Variants in ARL5C observed in about 807,000 individuals in gnomAD.
ARL5C encodes the protein putative ADP-ribosylation factor-like protein 5C.
ARL5C carries 21 observed loss-of-function variants against 20.8 expected under a neutral mutation model. The ratio of observed to expected loss-of-function variants is 1.01; its 90% CI spans 0.72 to 1.46. The LOEUF (loss-of-function observed/expected upper bound fraction) is 1.46. Among genes scored for constraint, ARL5C ranks in the 40% most tolerant of loss-of-function variants. The pLI is 0.00. For missense variants in ARL5C, 199 were observed against 225.1 expected (o/e 0.88, Z 0.74); for synonymous variants, 71 against 81.6 (o/e 0.87, Z 0.70).
chr17:39,162,930 T>G (rs2045442028), intron 2 of ARL5C, 72 bp from the exon 3 acceptor site: 4 of 1,504,114 alleles, frequency 2.7e-6, no homozygotes, highest in Middle Eastern at 2.4e-4. Context: ...AATGCTCTAC[T>G]CCCAAAGCAG....
intron 3 of ARL5C, among the ~76,000 whole-genome samples, chr17:39,161,665 CA>C (rs2045435994): frequency 6.6e-6 from 1 of 152,048 alleles, no homozygotes; most frequent in Admixed American, 6.6e-5. Context: ...AGGCGCGTGC[CA>C]CCACACCCGG....
intron 1 of ARL5C, 27 bp from the exon 2 acceptor site, chr17:39,165,166 T>C (rs2045456595): frequency 1.9e-6 from 3 of 1,550,816 alleles, no homozygotes; most frequent in Non-Finnish European, 8.7e-7. Flanking sequence ...AAGGGCAGCG[T>C]CAGGGCCAAA....
rs2045462521 is a variant in ARL5C, at chr17:39,166,108, G to A, written c.-348C>T. On this transcript the variant is annotated 5_prime_UTR_variant, in exon 1 of 6. Transcript: ENST00000269586. ...TCAGGGGAGACTCAGCACTGCGCGC[G>A]GAACCGGATCCCAGCTCTCCCTCCT... 3.2e-6 allele frequency: 1 copy of A among 314,194 alleles called. No homozygotes were observed. Among genetic ancestry groups the A allele is most frequent in the East Asian group, 7.3e-5 (1 of 13,748 alleles). 19.5% of individuals were successfully genotyped at this position (314,194 alleles called of 1,614,324 possible).
At position 39,165,566 on chromosome 17, in the gene ARL5C, G is replaced by T. The variant is rs1047248788; in HGVS notation, c.46+149C>A. The T allele has an allele frequency of 1.3e-5, 12 of 932,944 alleles. No individual in the cohort carries two copies. The South Asian group carries it at 1.5e-4, about 11-fold the overall frequency. 57.8% of individuals were successfully genotyped at this position (932,944 alleles called of 1,614,324 possible). A position where few individuals can be genotyped will look rare whatever the true frequency, so the allele number is the denominator to read the frequency against. ...GACCCAAGAGGAGCAGGCAGGGACGGGGGCAGGGGAGGCCGCGGGGCAGTC... is the reference window on the plus strand; with the variant it reads ...GACCCAAGAGGAGCAGGCAGGGACGTGGGCAGGGGAGGCCGCGGGGCAGTC... On this transcript the variant is annotated intron_variant, in intron 1 of 5. Transcript: ENST00000269586.
intron 5 of ARL5C, among the ~76,000 whole-genome samples, chr17:39,157,946 A>G (rs1398530258): frequency 6.6e-6 from 1 of 151,220 alleles, no homozygotes; most frequent in Non-Finnish European, 1.5e-5. Flanking sequence ...ACAAAAAAAA[A>G]AATTAACCGG....
chr17:39,158,249 G>A lies in ARL5C; in HGVS notation c.492-1307C>T, dbSNP rs1378390162. Among the ~76,000 whole-genome samples, 4 of 152,172 alleles carry A rather than the reference G, an allele frequency of 2.6e-5. 1 individual carries two copies. The highest frequency in any genetic ancestry group is 1.3e-4 in the Admixed American group (2 of 15,288). ...TGGAAGAGGGTTCTCCTGACCCAGC[G>A]GGTGGCAAGGACACTGCTAGAAACG... On this transcript the variant is annotated intron_variant, in intron 5 of 5. Coordinates refer to ENST00000269586, the MANE Select transcript of ARL5C (RefSeq NM_001143968.1).
intron 2 of ARL5C, 165 bp downstream of exon 2, chr17:39,164,914 C>T (rs1486709241): frequency 3.1e-6 from 2 of 644,072 alleles, no homozygotes; most frequent in Non-Finnish European, 5.4e-6. Flanking sequence ...GAATGCCAGA[C>T]CGAGGAGCCG....
At chr17:39,156,985 G>A in intron 5 of ARL5C, 43 bp from the exon 6 acceptor site, 2 of 1,549,222 alleles carry the variant, frequency 1.3e-6, no homozygotes, top group Non-Finnish European at 1.7e-6. Flanking sequence ...TAACCCAAGA[G>A]AATGATGGCC....
chr17:39,165,446 C>T (rs2045458051), intron 1 of ARL5C: 1 of 589,664 alleles, frequency 1.7e-6, no homozygotes, highest in African/African-American at 1.9e-5. Flanking sequence ...TCGCAGGAAA[C>T]TCGCAGCAGC....
In ARL5C at chr17:39,165,984, C is replaced by G. The variant is rs1200339865; in HGVS notation, c.-224G>C. ...GACTAAGGGCTGCCTGTCCCGGGCC[C>G]AAGAGGTGCAAGGAATATGGGGGTT... On this transcript the variant is annotated 5_prime_UTR_variant, in exon 1 of 6. Coordinates refer to ENST00000269586, the MANE Select transcript of ARL5C (RefSeq NM_001143968.1). 1.7e-6 allele frequency: 1 copy of G among 578,566 alleles called. No homozygotes were observed. The highest frequency in any genetic ancestry group is 1.9e-5 in the African/African-American group (1 of 53,336). The allele number at this position is 578,566 out of a possible 1,614,324, so 35.8% of individuals were successfully genotyped here. A position where few individuals can be genotyped will look rare whatever the true frequency, so the allele number is the denominator to read the frequency against.
intron 2 of ARL5C, 49 bp from the exon 3 acceptor site, chr17:39,162,907 A>G (rs1021661485): frequency 7.2e-6 from 11 of 1,535,338 alleles, no homozygotes; most frequent in African/African-American, 1.4e-5. Context: ...CCTACTCCCA[A>G]CTCTGGCCCC....
At chr17:39,165,306 C>T in intron 1 of ARL5C, 167 bp from the exon 2 acceptor site, 1 of 657,794 alleles carries the variant, frequency 1.5e-6, no homozygotes. Context: ...TGCCCCACTC[C>T]GGGACGGTGG....
chr17:39,164,199 C>G (rs1180492418), intron 2 of ARL5C: 1 of 152,228 alleles, frequency 6.6e-6, no homozygotes, highest in Non-Finnish European at 1.5e-5. Flanking sequence ...GCTGCGATTA[C>G]AGGCACTTTG....
At position 39,162,855 on chromosome 17, in the gene ARL5C, C is replaced by A; in HGVS notation, c.111G>T (p.Leu37Phe). The change falls in exon 3 of 6, where the codon TTG (leucine) becomes TTT (phenylalanine). Residue 37 changes from leucine (L) to phenylalanine (F), a missense_variant. Coordinates refer to ENST00000269586, the MANE Select transcript of ARL5C (RefSeq NM_001143968.1). ...GACACATATGGACCACCTCATTGGTCAAGCTGGGGAGGTAGGAGTGGGCAC... is the reference window on the plus strand; with the variant it reads ...GACACATATGGACCACCTCATTGGTAAAGCTGGGGAGGTAGGAGTGGGCAC... ...EGKTTILYRF[L>F]TNEVVHMCPT... 2 of 1,550,142 alleles carry A rather than the reference C, an allele frequency of 1.3e-6. No individual in the cohort carries two copies. The highest frequency in any genetic ancestry group is 1.2e-5 in the South Asian group (1 of 83,882).
intron 5 of ARL5C, among the ~76,000 whole-genome samples, chr17:39,159,531 G>A (rs2045424318): frequency 6.6e-6 from 1 of 151,908 alleles, no homozygotes; most frequent in South Asian, 2.1e-4. Context: ...TCCCGACCTT[G>A]GGTGATCTGC....
intron 5 of ARL5C, among the ~76,000 whole-genome samples, chr17:39,159,695 C>T (rs111699605): frequency 3.3e-5 from 5 of 152,282 alleles, no homozygotes; most frequent in African/African-American, 7.2e-5. Context: ...CTGTTTTGCT[C>T]GCTGCTGTTT....
chr17:39,157,983 G>GA (rs1386280025), intron 5 of ARL5C, among the ~76,000 whole-genome samples: 1 of 147,964 alleles, frequency 6.8e-6, no homozygotes, highest in African/African-American at 2.5e-5. Flanking sequence ...CTGTAATCCC[G>GA]GCTACTCGGG....
chr17:39,157,023 G>C, intron 5 of ARL5C, 81 bp from the exon 6 acceptor site: 4 of 1,490,804 alleles, frequency 2.7e-6, no homozygotes, highest in Non-Finnish European at 3.6e-6. Flanking sequence ...TGCCCAGATC[G>C]GACTGGGTGC....
At chr17:39,157,912 T>C (rs2045413615) in intron 5 of ARL5C, among the ~76,000 whole-genome samples, 1 of 146,344 alleles carries the variant, frequency 6.8e-6, no homozygotes, top group African/African-American at 2.6e-5. Context: ...GCTAACACCA[T>C]GAAACACCGT....
Sources: gnomAD v4.1 joint callset for allele counts (sites outside exome capture counted in the v4.1 genomes callset) on GRCh38, gnomAD v4.1.1 for gene constraint, MANE v1.5 for transcripts, NCBI Gene and HGNC (gene_info 2026-07-23, HGNC 2026-07-21) for gene names.